Variants in ATP2C2 observed in about 807,000 individuals in gnomAD.
The protein encoded by ATP2C2 is ATPase secretory pathway Ca2+ transporting 2.
ATP2C2 carries 171 observed loss-of-function variants against 110.8 expected under a neutral mutation model. That is an observed-to-expected ratio of 1.54 (90% CI 1.36 to 1.75). ATP2C2 has a LOEUF of 1.75. ATP2C2 is among the 40% of genes most tolerant of loss of function. ATP2C2 has a pLI of 0.00. For missense variants in ATP2C2, 1,963 were observed against 1,235.0 expected (o/e 1.59, Z -8.84); for synonymous variants, 804 against 508.4 (o/e 1.58, Z -7.82).
intron 1 of ATP2C2, among the ~76,000 whole-genome samples, chr16:84,395,273 C>T (rs909347667): frequency 6.6e-6 from 1 of 151,934 alleles, no homozygotes; most frequent in African/African-American, 2.4e-5. Context: ...TGCATCCAAC[C>T]CCCTCTCCCC....
rs745764709 is a variant in ATP2C2 at position 84,460,484 on chromosome 16, G to A, written c.2334-170G>A. 9.1e-6 allele frequency: 8 copies of A among 883,474 alleles called. No individual in the cohort carries two copies. The East Asian group carries it at 1.5e-4, about 16-fold the overall frequency. 54.7% of individuals were successfully genotyped at this position (883,474 alleles called of 1,614,324 possible). ...GCTGCCCATGGACCCAGGCTCTGGG[G>A]CTTCTGGAAGGTGCCGAGGAGGGCA... On this transcript the variant is annotated intron_variant, in intron 23 of 26. Coordinates refer to ENST00000262429, the MANE Select transcript of ATP2C2 (RefSeq NM_014861.4).
At chr16:84,421,762 T>C (rs1907361026) in intron 7 of ATP2C2, among the ~76,000 whole-genome samples, 1 of 152,220 alleles carries the variant, frequency 6.6e-6, no homozygotes, top group South Asian at 2.1e-4. Context: ...ATTACTTAAT[T>C]CTTCCATGCT....
In ATP2C2 at chr16:84,414,579, G is replaced by C. The variant is rs138205868; in HGVS notation, c.516-904G>C. Among the ~76,000 whole-genome samples, 294 of 152,294 alleles carry C rather than the reference G, an allele frequency of 1.9e-3. 5 individuals carry two copies. In the East Asian group the frequency reaches 0.025, roughly 13 times the overall value. ...TGTTGCATGATGTGCTGATACCTAA[G>C]CCAATCAAGGGCAGGGGTCTTAGCC... On this transcript the variant is annotated intron_variant, in intron 6 of 26. Transcript: ENST00000262429.
In ATP2C2 at chr16:84,460,780, C is replaced by A. The variant is rs1313931277; in HGVS notation, c.2460C>A (p.Thr820=). The change falls in exon 24 of 27, where the codon ACC becomes ACA. Residue 820 remains threonine (T), a synonymous_variant. Coordinates refer to ENST00000262429, the MANE Select transcript of ATP2C2 (RefSeq NM_014861.4). ...LMSAAIIISG[T]LFIFWKEMPE... ...CCGCGGCCATCATCATCAGCGGGAC[C>A]CTCTTTATCTTCTGGAAGGAGGTGA... 1.9e-6 allele frequency: 3 copies of A among 1,613,458 alleles called. No homozygotes were observed. The African/African-American group carries it at 4.0e-5, about 22-fold the overall frequency.
At position 84,368,606 on chromosome 16, in the gene ATP2C2, C is replaced by T. The variant is rs1453241021; in HGVS notation, c.-10C>T. 32 of 1,546,534 alleles carry T rather than the reference C, an allele frequency of 2.1e-5. No homozygotes were observed. The highest frequency in any genetic ancestry group is 7.6e-5 in the East Asian group (3 of 39,472). On this transcript the variant is annotated 5_prime_UTR_variant, in exon 1 of 27. Transcript: ENST00000262429. Reference sequence around the variant, plus strand: ...CCTAGGGACGCAGGCAACGCCTGCGCCCGCTCACCATGGTCGAGGGACGCG... The same window carrying T: ...CCTAGGGACGCAGGCAACGCCTGCGTCCGCTCACCATGGTCGAGGGACGCG...
At chr16:84,453,951 C>G (rs999844960) in intron 20 of ATP2C2, among the ~76,000 whole-genome samples, 1 of 152,116 alleles carries the variant, frequency 6.6e-6, no homozygotes, top group Non-Finnish European at 1.5e-5. Flanking sequence ...AGCGATTCTC[C>G]TGCCTCAGTC....
At chr16:84,403,658 T>C (rs1296466112) in intron 2 of ATP2C2, among the ~76,000 whole-genome samples, 2 of 152,154 alleles carry the variant, frequency 1.3e-5, no homozygotes, top group Non-Finnish European at 2.9e-5. Flanking sequence ...AGTCACACTG[T>C]TGCACAACCA....
chr16:84,410,683 A>G (rs1906200892), intron 5 of ATP2C2, 21 bp from the exon 6 acceptor site: 1 of 1,613,956 alleles, frequency 6.2e-7, no homozygotes, highest in African/African-American at 1.3e-5. Context: ...TAAACAGCAC[A>G]TCTGATGTGC....
intron 7 of ATP2C2, among the ~76,000 whole-genome samples, chr16:84,418,651 C>T (rs1888941195): frequency 6.6e-6 from 1 of 152,220 alleles, no homozygotes; most frequent in African/African-American, 2.4e-5. Context: ...AGTCACACGG[C>T]AGTGGGCGGT....
intron 20 of ATP2C2, among the ~76,000 whole-genome samples, chr16:84,454,309 A>C (rs756547701): frequency 4.6e-5 from 7 of 152,194 alleles, no homozygotes; most frequent in Non-Finnish European, 8.8e-5. Context: ...ATACCAAAAA[A>C]AGGTAGAAAA....
intron 1 of ATP2C2, among the ~76,000 whole-genome samples, chr16:84,391,113 C>CAAAAAAAAAAA (rs567509863): frequency 4.1e-5 from 3 of 73,260 alleles, no homozygotes; most frequent in African/African-American, 5.9e-5. Flanking sequence ...GACTCAGACT[C>CAAAAAAAAAAA]AAAAAAAAAA....
At chr16:84,446,906 C>T (rs977299752) in intron 16 of ATP2C2, among the ~76,000 whole-genome samples, 1 of 152,166 alleles carries the variant, frequency 6.6e-6, no homozygotes, top group Non-Finnish European at 1.5e-5. Context: ...CTTAGCTCAT[C>T]TCCCCGTCAT....
intron 11 of ATP2C2, among the ~76,000 whole-genome samples, chr16:84,435,472 T>C (rs1351656655): frequency 6.6e-6 from 1 of 152,234 alleles, no homozygotes; most frequent in Non-Finnish European, 1.5e-5. Flanking sequence ...CCCTTCTTCA[T>C]GCAGCAAATA....
At chr16:84,385,332 G>A (rs773758950) in intron 1 of ATP2C2, among the ~76,000 whole-genome samples, 4 of 152,158 alleles carry the variant, frequency 2.6e-5, no homozygotes, top group Admixed American at 6.6e-5. Flanking sequence ...AGGGGATAGT[G>A]CTCAACTATT....
At chr16:84,375,537 T>A (rs2151394936) in intron 1 of ATP2C2, among the ~76,000 whole-genome samples, 2 of 76,376 alleles carry the variant, frequency 2.6e-5, no homozygotes, top group African/African-American at 4.0e-5. Context: ...CAAGACTCTG[T>A]CTCAAAAAAA....
At chr16:84,415,051 G>A (rs1047641087) in intron 6 of ATP2C2, among the ~76,000 whole-genome samples, 3 of 152,124 alleles carry the variant, frequency 2.0e-5, no homozygotes, top group African/African-American at 4.8e-5. Flanking sequence ...ATGGCCCTGC[G>A]GGAATGGAGG....
In ATP2C2 at chr16:84,405,115, C is replaced by A; in HGVS notation, c.211-13C>A. ...CGCCCATGAGTGAGCTTGTGCCTGA[C>A]CTCTCCTTCCAGGTGGACTTACACA... On this transcript the variant is annotated splice_polypyrimidine_tract_variant and intron_variant, in intron 2 of 26. Coordinates refer to ENST00000262429, the MANE Select transcript of ATP2C2 (RefSeq NM_014861.4). 1 of 1,610,982 alleles carries A rather than the reference C, an allele frequency of 6.2e-7. No homozygotes were observed. The highest frequency in any genetic ancestry group is 8.5e-7 in the Non-Finnish European group (1 of 1,177,518).
At chr16:84,419,983 AGGAGGCCCAAGC>A (rs1259927541) in intron 7 of ATP2C2, among the ~76,000 whole-genome samples, 41 of 152,288 alleles carry the variant, frequency 2.7e-4, no homozygotes, top group Middle Eastern at 3.4e-3. Context: ...TTTTAGGCAA[AGGAGGCCCAAGC>A]TACTTGTCTC....
At chr16:84,383,059 C>G (rs1910676544) in intron 1 of ATP2C2, among the ~76,000 whole-genome samples, 1 of 152,172 alleles carries the variant, frequency 6.6e-6, no homozygotes, top group South Asian at 2.1e-4. Context: ...ATGCTGGGAT[C>G]CAGCGCTGGG....
Sources: allele counts gnomAD v4.1 joint callset (sites outside exome capture counted in the v4.1 genomes callset), GRCh38; gene constraint gnomAD v4.1.1; transcripts MANE v1.5; gene names NCBI Gene and HGNC (gene_info 2026-07-23, HGNC 2026-07-21).